SYTL3: variants seen among roughly 807,000 people sequenced by gnomAD.
The protein encoded by SYTL3 is synaptotagmin like 3.
In SYTL3, 88 loss-of-function variants were observed where a neutral mutation model predicts 82.1. The ratio of observed to expected loss-of-function variants is 1.07; its 90% CI spans 0.90 to 1.28. The LOEUF is 1.28. SYTL3 is among the 50% of genes most tolerant of loss of function. The probability of loss-of-function intolerance (pLI) is 0.00; values close to 1 mark genes in which losing one functional copy is unlikely to be tolerated. For missense variants in SYTL3, 831 were observed against 757.6 expected (o/e 1.10, Z -1.14); for synonymous variants, 311 against 289.4 (o/e 1.07, Z -0.76).
chr6:158,742,053 G>T (rs1477920005), intron 11 of SYTL3, among the ~76,000 whole-genome samples: 3 of 152,202 alleles, frequency 2.0e-5, no homozygotes, highest in Non-Finnish European at 4.4e-5. Context: ...GGATGTTGCG[G>T]ATTGTCTTTG....
At chr6:158,735,970 C>T (rs938861642) in intron 11 of SYTL3, among the ~76,000 whole-genome samples, 2 of 152,194 alleles carry the variant, frequency 1.3e-5, no homozygotes, top group Non-Finnish European at 2.9e-5. Context: ...ACAGGAACTA[C>T]TCTTTAAAAA....
At chr6:158,714,988 G>A (rs769261001) in intron 9 of SYTL3, among the ~76,000 whole-genome samples, 1 of 152,174 alleles carries the variant, frequency 6.6e-6, no homozygotes, top group East Asian at 1.9e-4. Context: ...AATTTCATGG[G>A]CCTGTTTGCT....
At chr6:158,746,344 C>T (rs915667584) in intron 12 of SYTL3, among the ~76,000 whole-genome samples, 4 of 151,224 alleles carry the variant, frequency 2.6e-5, no homozygotes, top group Admixed American at 6.6e-5. Context: ...TGGCTTTCCA[C>T]GCAGGAAATA....
rs1790263288 is a variant in SYTL3, at chr6:158,763,353, CTGAGGAA to C, written c.1568_1574del (p.Leu523ArgfsTer16). 6.2e-7 allele frequency: 1 copy of C among 1,614,244 alleles called. No individual in the cohort carries two copies. Among genetic ancestry groups the C allele is most frequent in the Middle Eastern group, 1.6e-4 (1 of 6,062 alleles). On this transcript the variant is annotated frameshift_variant, in exon 17 of 18. Transcript: ENST00000611299. LOFTEE classifies it high-confidence loss of function. ...AAAACTGAGACTGAAGTCGCCAGTC[CTGAGGAA>C]GCAGGCTTGCCCCCAGTGGAAACAC...
intron 15 of SYTL3, 112 bp from the exon 16 acceptor site, chr6:158,761,964 T>C: frequency 1.4e-6 from 1 of 718,554 alleles, no homozygotes; most frequent in East Asian, 2.6e-5. Context: ...TCTCTCGGGG[T>C]CTGAGGGCTG....
rs1354179937 is a variant in SYTL3, at chr6:158,757,200, T to C, written c.1138-11T>C. 5 of 1,605,444 alleles carry C rather than the reference T, an allele frequency of 3.1e-6. No individual in the cohort carries two copies. In the Admixed American group the frequency reaches 5.0e-5, roughly 16 times the overall value. On this transcript the variant is annotated splice_polypyrimidine_tract_variant and intron_variant, in intron 13 of 17. Coordinates refer to ENST00000611299, the MANE Select transcript of SYTL3 (RefSeq NM_001242394.2). ...GGAGCCCAGCTGACCATCTCTTCCT[T>C]GCCTCTGCAGTATCAGGTGGCCCCT...
intron 11 of SYTL3, among the ~76,000 whole-genome samples, chr6:158,742,747 A>AT (rs1393462075): frequency 6.6e-6 from 1 of 151,772 alleles, no homozygotes; most frequent in Non-Finnish European, 1.5e-5. Flanking sequence ...TGCCCGGCTA[A>AT]TTTTTTTATT....
rs1789572973 is a variant in SYTL3 at position 158,663,222 on chromosome 6, C to G, written c.-47C>G. The G allele has an allele frequency of 6.3e-7, 1 of 1,576,404 alleles. No homozygotes were observed. The highest frequency in any genetic ancestry group is 8.7e-7 in the Non-Finnish European group (1 of 1,146,280). ...ATCTGCAGGGCGTGAGCGCTTGGTCCATGCAGTGAAGCTCTTCCAACCTGG... is the reference window on the plus strand; with the variant it reads ...ATCTGCAGGGCGTGAGCGCTTGGTCGATGCAGTGAAGCTCTTCCAACCTGG... On this transcript the variant is annotated 5_prime_UTR_variant, in exon 4 of 18. Transcript: ENST00000611299.
At chr6:158,702,199 G>T (rs976914217) in intron 6 of SYTL3, among the ~76,000 whole-genome samples, 2 of 151,666 alleles carry the variant, frequency 1.3e-5, no homozygotes, top group Admixed American at 1.3e-4. Context: ...GGTAACTCAC[G>T]CCTGTAATCC....
At chr6:158,738,158 G>C (rs974444780) in intron 11 of SYTL3, among the ~76,000 whole-genome samples, 2 of 152,186 alleles carry the variant, frequency 1.3e-5, no homozygotes, top group African/African-American at 2.4e-5. Context: ...ACGCCTGCAT[G>C]CTGGAGATTA....
chr6:158,731,731 C>A (rs993343261), intron 11 of SYTL3, among the ~76,000 whole-genome samples: 5 of 152,126 alleles, frequency 3.3e-5, no homozygotes, highest in Non-Finnish European at 7.4e-5. Context: ...GTAGCTAGGA[C>A]TACAGGCGCC....
At chr6:158,695,273 A>G (rs1310289189) in intron 6 of SYTL3, among the ~76,000 whole-genome samples, 7 of 152,232 alleles carry the variant, frequency 4.6e-5, no homozygotes, top group Non-Finnish European at 1.0e-4. Flanking sequence ...CAACGTTTTC[A>G]TGCCCATCAT....
intron 2 of SYTL3, among the ~76,000 whole-genome samples, chr6:158,659,201 G>A (rs1789066276): frequency 6.6e-6 from 1 of 152,174 alleles, no homozygotes; most frequent in African/African-American, 2.4e-5. Flanking sequence ...TCCTGCTTTG[G>A]TCTGTATTTG....
At chr6:158,674,390 T>G (rs1055442112) in intron 5 of SYTL3, among the ~76,000 whole-genome samples, 4 of 152,188 alleles carry the variant, frequency 2.6e-5, no homozygotes, top group Non-Finnish European at 5.9e-5. Flanking sequence ...TTAAATGTTT[T>G]TGGAGGCTGA....
intron 6 of SYTL3, among the ~76,000 whole-genome samples, chr6:158,702,013 C>G (rs1437753912): frequency 6.6e-6 from 1 of 152,010 alleles, no homozygotes; most frequent in African/African-American, 2.4e-5. Context: ...TACTCTGTCA[C>G]TCAGGCTGGA....
intron 2 of SYTL3, among the ~76,000 whole-genome samples, chr6:158,656,966 A>G (rs2128352865): frequency 6.6e-6 from 1 of 152,326 alleles, no homozygotes; most frequent in Admixed American, 6.5e-5. Flanking sequence ...AAGTAACTCC[A>G]TGTGGTTTTT....
At chr6:158,646,076 C>G (rs529148185), upstream of SYTL3, among the ~76,000 whole-genome samples, 2 of 152,164 alleles carry the variant, frequency 1.3e-5, no homozygotes, top group South Asian at 4.1e-4. Context: ...ACTAATGTAT[C>G]CCCTTCCTTC....
At chr6:158,758,453 C>A (rs1287897159) in intron 14 of SYTL3, among the ~76,000 whole-genome samples, 1 of 148,242 alleles carries the variant, frequency 6.7e-6, no homozygotes, top group African/African-American at 2.5e-5. Flanking sequence ...AAAAAAAAAA[C>A]CCAGCGGGAT....
chr6:158,672,588 T>A (rs1359023130), intron 5 of SYTL3, among the ~76,000 whole-genome samples: 1 of 150,714 alleles, frequency 6.6e-6, no homozygotes, highest in East Asian at 2.0e-4. Flanking sequence ...ACTGCAGCCT[T>A]ATTCTCTTTT....
Sources: allele counts gnomAD v4.1 joint callset (sites outside exome capture counted in the v4.1 genomes callset), GRCh38; gene constraint gnomAD v4.1.1; transcripts MANE v1.5; gene names NCBI Gene and HGNC (gene_info 2026-07-23, HGNC 2026-07-21).